ADGRL2: variants seen among roughly 807,000 people sequenced by gnomAD.
The protein encoded by ADGRL2 is calcium-independent alpha-latrotoxin receptor 2.
In ADGRL2, 44 loss-of-function variants were observed where a neutral mutation model predicts 157.4. The observed-to-expected ratio is 0.28, with a 90% CI of 0.22 to 0.36. ADGRL2 has a LOEUF of 0.36. Among genes scored for constraint, ADGRL2 ranks in the 10% least tolerant of loss-of-function variants. The probability of loss-of-function intolerance (pLI) is 1.00; values close to 1 mark genes in which losing one functional copy is unlikely to be tolerated. For synonymous variants in ADGRL2, 585 were observed against 624.7 expected (o/e 0.94, Z 0.95); for missense variants, 1,510 against 1,768.9 (o/e 0.85, Z 2.63).
intron 2 of ADGRL2, among the ~76,000 whole-genome samples, chr1:81,565,599 G>A (rs947729563): frequency 6.6e-6 from 1 of 152,180 alleles, no homozygotes; most frequent in Non-Finnish European, 1.5e-5. Flanking sequence ...CTGGCAGCAT[G>A]TGCTTCCCTC....
At chr1:81,937,431 A>G (rs1484100969) in intron 4 of ADGRL2, among the ~76,000 whole-genome samples, 5 of 151,836 alleles carry the variant, frequency 3.3e-5, no homozygotes, top group African/African-American at 1.2e-4. Flanking sequence ...GATCCTACAG[A>G]TGGATATTTA....
rs529710591 is a variant in ADGRL2, at chr1:81,723,218, A to G, written c.-143+23410A>G. Reference sequence around the variant, plus strand: ...AAGATAATCCCTACCCTTCTCCCCCAAATGCAGCTGAAGCATTTTACAGTG... The same window carrying G: ...AAGATAATCCCTACCCTTCTCCCCCGAATGCAGCTGAAGCATTTTACAGTG... On this transcript the variant is annotated intron_variant, in intron 1 of 20. Transcript: ENST00000359929. The G allele has an allele frequency of 1.9e-5, 8 of 427,876 alleles. No individual in the cohort carries two copies. In the South Asian group the frequency reaches 3.1e-4, roughly 16 times the overall value. 26.5% of individuals were successfully genotyped at this position (427,876 alleles called of 1,614,324 possible).
At chr1:81,511,130 A>G (rs1036975860) in intron 2 of ADGRL2, among the ~76,000 whole-genome samples, 2 of 152,146 alleles carry the variant, frequency 1.3e-5, no homozygotes, top group Non-Finnish European at 2.9e-5. Flanking sequence ...TATCTATAAC[A>G]ATATGAAATA....
At chr1:81,367,074 A>C (rs191799354) in intron 1 of ADGRL2, among the ~76,000 whole-genome samples, 17 of 152,284 alleles carry the variant, frequency 1.1e-4, no homozygotes, top group Admixed American at 1.0e-3. Flanking sequence ...TGGATATTTT[A>C]CAGTCACACA....
intron 2 of ADGRL2, among the ~76,000 whole-genome samples, chr1:81,849,452 C>A (rs930513582): frequency 6.6e-6 from 1 of 151,806 alleles, no homozygotes; most frequent in East Asian, 1.9e-4. Context: ...TCCTAACTTA[C>A]GTGAGTAGAT....
chr1:81,606,718 T>G (rs2081439483), intron 3 of ADGRL2, among the ~76,000 whole-genome samples: 1 of 151,610 alleles, frequency 6.6e-6, no homozygotes, highest in Non-Finnish European at 1.5e-5. Context: ...CAAAAGCACA[T>G]GCAGATAAAT....
At chr1:81,596,014 T>C (rs866343189) in intron 3 of ADGRL2, 4 of 253,216 alleles carry the variant, frequency 1.6e-5, no homozygotes, top group South Asian at 4.8e-5. Flanking sequence ...ATAAGAGCAC[T>C]GTTCCCATTC....
intron 2 of ADGRL2, among the ~76,000 whole-genome samples, chr1:81,884,373 T>C (rs952078572): frequency 2.0e-5 from 3 of 152,214 alleles, no homozygotes; most frequent in Admixed American, 2.0e-4. Context: ...GATTATGTGT[T>C]GACTGAATAT....
At chr1:81,990,179 G>A in intron 23 of ADGRL2, 1 of 985,240 alleles carries the variant, frequency 1.0e-6, no homozygotes, top group Non-Finnish European at 1.2e-6. Flanking sequence ...TCTCTCCCTG[G>A]AAAACAGTAT....
chr1:81,507,467 T>A (rs2078998666), intron 2 of ADGRL2, among the ~76,000 whole-genome samples: 1 of 152,214 alleles, frequency 6.6e-6, no homozygotes, highest in South Asian at 2.1e-4. Flanking sequence ...TGTTTGCTCC[T>A]TGGCCTCTGA....
At chr1:81,346,755 T>C (rs1028367224) in intron 1 of ADGRL2, among the ~76,000 whole-genome samples, 2 of 152,158 alleles carry the variant, frequency 1.3e-5, no homozygotes, top group African/African-American at 2.4e-5. Context: ...CTTCCCAGCC[T>C]CTAGAACTAT....
At chr1:81,780,883 G>T (rs148019738) in intron 2 of ADGRL2, among the ~76,000 whole-genome samples, 16 of 152,160 alleles carry the variant, frequency 1.1e-4, no homozygotes, top group Middle Eastern at 3.4e-3. Flanking sequence ...AGAGCTTTTG[G>T]CATCCCTAAG....
At chr1:81,446,882 A>T (rs763073546) in intron 2 of ADGRL2, among the ~76,000 whole-genome samples, 1 of 152,156 alleles carries the variant, frequency 6.6e-6, no homozygotes, top group Non-Finnish European at 1.5e-5. Context: ...TTTATTACAA[A>T]TGTTATAATT....
At chr1:81,828,023 A>G (rs1355876762) in intron 1 of ADGRL2, among the ~76,000 whole-genome samples, 1 of 152,246 alleles carries the variant, frequency 6.6e-6, no homozygotes, top group Non-Finnish European at 1.5e-5. Flanking sequence ...TTATTAGTTC[A>G]TTATGTGACT....
upstream of ADGRL2, chr1:81,800,622 C>G (rs2087892270): frequency 6.6e-6 from 1 of 152,142 alleles, no homozygotes; most frequent in Non-Finnish European, 1.5e-5. Flanking sequence ...CTGCGCTCAG[C>G]CTCGGAGCGC....
chr1:81,961,947 T>C (rs1414596352), intron 11 of ADGRL2, among the ~76,000 whole-genome samples: 1 of 152,222 alleles, frequency 6.6e-6, no homozygotes, highest in Non-Finnish European at 1.5e-5. Context: ...CTTCTGCTTT[T>C]TTCCTGACAG....
Position 81,852,905 on chromosome 1 carries a change from A to G in ADGRL2, c.73+15848A>G, listed in dbSNP as rs1423410056. ...TGTGCTTAAGAAAAATCTTATTGGT[A>G]TTTAATCTGTATGAAGATCTGATAC... On this transcript the variant is annotated intron_variant, in intron 2 of 23. Transcript: ENST00000686636. 3.9e-5 allele frequency among the ~76,000 whole-genome samples: 6 copies of G among 152,120 alleles called. No homozygotes were observed. In the East Asian group the frequency reaches 9.6e-4, roughly 24 times the overall value.
intron 1 of ADGRL2, among the ~76,000 whole-genome samples, chr1:81,414,849 T>C (rs2077007056): frequency 6.6e-6 from 1 of 152,216 alleles, no homozygotes; most frequent in East Asian, 1.9e-4. Context: ...AGACTTTTTA[T>C]AATTCGATTT....
chr1:81,341,034 A>T (rs955921384), intron 1 of ADGRL2, among the ~76,000 whole-genome samples: 1 of 152,064 alleles, frequency 6.6e-6, no homozygotes, highest in African/African-American at 2.4e-5. Flanking sequence ...TTTGAAACCT[A>T]TCACATGTCT....
Sources: gnomAD v4.1 joint callset for allele counts (sites outside exome capture counted in the v4.1 genomes callset) on GRCh38, gnomAD v4.1.1 for gene constraint, MANE v1.5 for transcripts, NCBI Gene and HGNC (gene_info 2026-07-23, HGNC 2026-07-21) for gene names.